The following GOLM2 variants were observed in gnomAD, a reference collection of about 807,000 sequenced individuals.
GOLM2 encodes protein GOLM2.
A neutral mutation model predicts 55.9 loss-of-function variants in GOLM2; 26 were observed. The ratio of observed to expected loss-of-function variants is 0.47; its 90% CI spans 0.34 to 0.65. GOLM2 has a LOEUF of 0.65. Ranked by LOEUF, GOLM2 falls within the 30% of genes least tolerant of loss-of-function variation. GOLM2 has a pLI of 0.01. For synonymous variants in GOLM2, 165 were observed against 194.6 expected, an observed-to-expected ratio of 0.85 and a Z score of 1.27; for missense variants, 486 against 531.8, an observed-to-expected ratio of 0.91 and a Z score of 0.85.
At chr15:44,326,605 ATC>A (rs2078982474) in intron 2 of GOLM2, among the ~76,000 whole-genome samples, 1 of 150,630 alleles carries the variant, frequency 6.6e-6, no homozygotes. Context: ...ATATGTTTAC[ATC>A]TGCTGTTTAA....
intron 1 of GOLM2, among the ~76,000 whole-genome samples, chr15:44,305,463 T>G (rs900138026): frequency 1.3e-5 from 2 of 152,066 alleles, no homozygotes; most frequent in Non-Finnish European, 2.9e-5. Context: ...TACACCTGGC[T>G]AATTTTTCTA....
chr15:44,302,771 A>G (rs2078807803), intron 1 of GOLM2, among the ~76,000 whole-genome samples: 1 of 152,140 alleles, frequency 6.6e-6, no homozygotes, highest in African/African-American at 2.4e-5. Flanking sequence ...GATTACAAGC[A>G]TGAGCCACCA....
intron 6 of GOLM2, among the ~76,000 whole-genome samples, chr15:44,360,755 T>C (rs1477681645): frequency 1.3e-5 from 2 of 152,148 alleles, no homozygotes; most frequent in African/African-American, 2.4e-5. Context: ...TATACATTTT[T>C]TTCAGCACCA....
chr15:44,332,844 A>G (rs1273730539), intron 4 of GOLM2, among the ~76,000 whole-genome samples: 1 of 152,128 alleles, frequency 6.6e-6, no homozygotes. Context: ...AAATTCTTTT[A>G]TTAATTCATT....
chr15:44,349,556 C>T (rs759887629), intron 6 of GOLM2, among the ~76,000 whole-genome samples: 7 of 152,132 alleles, frequency 4.6e-5, no homozygotes, highest in Non-Finnish European at 8.8e-5. Context: ...GACTTCAACA[C>T]CCCACTTTCA....
chr15:44,379,618 G>GTTTTTT, intron 6 of GOLM2, 72 bp from the exon 7 acceptor site: 23 of 428,358 alleles, frequency 5.4e-5, no homozygotes, highest in South Asian at 8.4e-5. Flanking sequence ...ATTCACGGTG[G>GTTTTTT]TTTTTTTTTT....
chr15:44,350,849 G>A (rs543085282), intron 6 of GOLM2, among the ~76,000 whole-genome samples: 45 of 152,202 alleles, frequency 3.0e-4, no homozygotes, highest in African/African-American at 8.7e-4. Context: ...GTGGTATGTC[G>A]TATCAACAGA....
At chr15:44,338,715 A>T (rs1046268881) in intron 6 of GOLM2, among the ~76,000 whole-genome samples, 3 of 152,084 alleles carry the variant, frequency 2.0e-5, no homozygotes, top group African/African-American at 4.8e-5. Context: ...CCCTAATAAG[A>T]GTTATTTAAT....
intron 1 of GOLM2, chr15:44,307,859 G>A (rs1187113055): frequency 6.6e-6 from 1 of 152,124 alleles, no homozygotes; most frequent in Admixed American, 6.5e-5. Flanking sequence ...ATGAGAAAGG[G>A]ATAAGGACAG....
chr15:44,349,227 A>G (rs1428154794), intron 6 of GOLM2, among the ~76,000 whole-genome samples: 1 of 150,304 alleles, frequency 6.7e-6, no homozygotes, highest in Non-Finnish European at 1.5e-5. Context: ...CCATTGCACT[A>G]CAGCCTGGGC....
intron 6 of GOLM2, among the ~76,000 whole-genome samples, chr15:44,353,178 A>G (rs190503834): frequency 1.0e-3 from 156 of 152,378 alleles, no homozygotes; most frequent in African/African-American, 3.5e-3. Flanking sequence ...AATCAAAACT[A>G]TAATGAGATA....
At chr15:44,381,139 T>C (rs909299238) in intron 8 of GOLM2, among the ~76,000 whole-genome samples, 163 bp downstream of exon 8, 3 of 152,326 alleles carry the variant, frequency 2.0e-5, no homozygotes, top group East Asian at 1.9e-4. Flanking sequence ...AGGTTTTAAA[T>C]GGATAGATAC....
At chr15:44,352,183 G>A (rs753437913) in intron 6 of GOLM2, among the ~76,000 whole-genome samples, 21 of 152,248 alleles carry the variant, frequency 1.4e-4, no homozygotes, top group South Asian at 1.0e-3. Context: ...CTACAGAGCC[G>A]TAGTAACCAA....
intron 6 of GOLM2, among the ~76,000 whole-genome samples, chr15:44,376,610 C>A (rs925374814): frequency 2.6e-5 from 4 of 152,180 alleles, no homozygotes; most frequent in Admixed American, 2.0e-4. Context: ...ATAACATAAT[C>A]TCATTTTTGT....
intron 1 of GOLM2, among the ~76,000 whole-genome samples, chr15:44,299,680 A>C (rs2141108827): frequency 6.6e-6 from 1 of 152,186 alleles, no homozygotes; most frequent in Admixed American, 6.6e-5. Context: ...ACCTCTCCTT[A>C]AGCCTGTTTC....
chr15:44,368,104 C>T (rs2079298646), intron 6 of GOLM2, among the ~76,000 whole-genome samples: 1 of 151,258 alleles, frequency 6.6e-6, no homozygotes, highest in African/African-American at 2.4e-5. Context: ...TTTTTTAATC[C>T]TTCTAGGACT....
chr15:44,343,477 T>C lies in GOLM2; in HGVS notation c.802+5160T>C, dbSNP rs536361986. On this transcript the variant is annotated intron_variant, in intron 6 of 9. Coordinates refer to ENST00000299957, the MANE Select transcript of GOLM2 (RefSeq NM_138423.4). Reference sequence around the variant, plus strand: ...TAATGTCAATGTAAGTTCTGGTGTATATGTGGTGTCCTATTAGCTATAGAG... The same window carrying C: ...TAATGTCAATGTAAGTTCTGGTGTACATGTGGTGTCCTATTAGCTATAGAG... Among the ~76,000 whole-genome samples, 32 of 152,234 alleles carry C rather than the reference T, an allele frequency of 2.1e-4. No homozygotes were observed. In the East Asian group the frequency reaches 3.3e-3, roughly 16 times the overall value.
intron 6 of GOLM2, among the ~76,000 whole-genome samples, chr15:44,366,534 T>A (rs2141179609): frequency 6.6e-6 from 1 of 152,188 alleles, no homozygotes; most frequent in East Asian, 1.9e-4. Context: ...CTTGGGAGGC[T>A]GAAGTGGGAG....
In GOLM2 at chr15:44,338,267, T is replaced by C; in HGVS notation, c.752T>C (p.Met251Thr). Reference protein sequence around the residue: ...EQIKRGGDAGMPGIEENDLAK... With the variant: ...EQIKRGGDAGTPGIEENDLAK... ...ATCAAAAGAGGTGGTGATGCAGGGA[T>C]GCCTGGAATAGAAGAGAATGACCTA... Residue 251 changes from methionine to threonine, a missense_variant, in exon 6 of 10, where the codon ATG (methionine) becomes ACG (threonine). By Grantham distance (81) the Met-to-Thr change is moderately conservative. Coordinates refer to ENST00000299957, the MANE Select transcript of GOLM2 (RefSeq NM_138423.4). The C allele has an allele frequency of 1.2e-6, 2 of 1,613,932 alleles. No homozygotes were observed. The highest frequency in any genetic ancestry group is 1.7e-6 in the Non-Finnish European group (2 of 1,179,880).
Sources: gnomAD v4.1 joint callset for allele counts (sites outside exome capture counted in the v4.1 genomes callset) on GRCh38, gnomAD v4.1.1 for gene constraint, MANE v1.5 for transcripts, NCBI Gene and HGNC (gene_info 2026-07-23, HGNC 2026-07-21) for gene names.